The following NAALADL2 variants were observed in gnomAD, a reference collection of about 807,000 sequenced individuals.
NAALADL2 encodes N-acetylated alpha-linked acidic dipeptidase like 2, also known as inactive N-acetylated-alpha-linked acidic dipeptidase-like protein 2.
NAALADL2 carries 76 observed loss-of-function variants against 87.2 expected under a neutral mutation model. The observed-to-expected ratio is 0.87, with a 90% confidence interval of 0.72 to 1.05. The LOEUF (loss-of-function observed/expected upper bound fraction) is 1.05, where lower values mean the gene tolerates loss of function less well. Among genes scored for constraint, NAALADL2 ranks in the 50% least tolerant of loss-of-function variants. The probability of loss-of-function intolerance (pLI) is 0.00; values close to 1 mark genes in which losing one functional copy is unlikely to be tolerated. For synonymous variants in NAALADL2, 354 were observed against 331.0 expected (o/e 1.07, Z -0.75); for missense variants, 1,089 against 945.8 (o/e 1.15, Z -1.99).
At chr3:175,688,780 C>G (rs1736662678) in intron 11 of NAALADL2, among the ~76,000 whole-genome samples, 1 of 152,080 alleles carries the variant, frequency 6.6e-6, no homozygotes, top group Non-Finnish European at 1.5e-5. Context: ...TTCTTCACTC[C>G]TATAAGGTAC....
chr3:175,515,307 A>G (rs999309139), intron 9 of NAALADL2, among the ~76,000 whole-genome samples: 7 of 152,188 alleles, frequency 4.6e-5, no homozygotes, highest in African/African-American at 1.7e-4. Flanking sequence ...AGGCCTCAAC[A>G]AATAGTCTTG....
intron 4 of NAALADL2, among the ~76,000 whole-genome samples, chr3:175,272,670 T>C (rs1753014823): frequency 6.6e-6 from 1 of 152,156 alleles, no homozygotes. Flanking sequence ...CAAAATAGTT[T>C]AAATTATTAT....
chr3:175,425,748 T>G (rs931989629), intron 5 of NAALADL2, among the ~76,000 whole-genome samples: 13 of 152,278 alleles, frequency 8.5e-5, no homozygotes, highest in African/African-American at 3.1e-4. Context: ...CCTAGATAAT[T>G]TTATCCTACA....
intron 1 of NAALADL2, among the ~76,000 whole-genome samples, chr3:175,005,259 C>T (rs1277849168): frequency 1.3e-5 from 2 of 152,094 alleles, no homozygotes; most frequent in Admixed American, 6.6e-5. Flanking sequence ...ATAACTTATT[C>T]AAGGTCAAAT....
chr3:174,608,911 T>C (rs911137679), intron 2 of NAALADL2, among the ~76,000 whole-genome samples: 1 of 151,928 alleles, frequency 6.6e-6, no homozygotes, highest in Non-Finnish European at 1.5e-5. Flanking sequence ...GCAAAAATCC[T>C]CAATAAAATA....
intron 2 of NAALADL2, among the ~76,000 whole-genome samples, chr3:175,102,564 A>G (rs889128385): frequency 2.6e-5 from 4 of 152,158 alleles, no homozygotes; most frequent in African/African-American, 9.7e-5. Context: ...ATGGTACGCC[A>G]TCTCTTTGGA....
At position 175,465,682 on chromosome 3, in the gene NAALADL2, A is replaced by G. The variant is rs867776082; in HGVS notation, c.1328-1297A>G. ...GAGACGAGGTTTCACCATCTTGGCC[A>G]GGCTGGTCTTGAACTCCTGACCTCG... On this transcript the variant is annotated intron_variant, in intron 7 of 13. Transcript: ENST00000454872. 9.9e-5 allele frequency among the ~76,000 whole-genome samples: 15 copies of G among 152,166 alleles called. 1 individual carries two copies. The highest frequency in any genetic ancestry group is 6.8e-3 in the Middle Eastern group (2 of 294).
At chr3:174,462,243 C>A (rs1716261728) in intron 1 of NAALADL2, among the ~76,000 whole-genome samples, 1 of 151,934 alleles carries the variant, frequency 6.6e-6, no homozygotes, top group African/African-American at 2.4e-5. Context: ...GTTATTGGAA[C>A]GTTTGTCCTT....
intron 1 of NAALADL2, among the ~76,000 whole-genome samples, chr3:174,535,829 A>C (rs1721675438): frequency 6.6e-6 from 1 of 152,022 alleles, no homozygotes; most frequent in Admixed American, 6.6e-5. Context: ...ATTGGATTGC[A>C]TTTTCCCTCT....
chr3:175,561,651 C>T (rs1582407900), intron 9 of NAALADL2, among the ~76,000 whole-genome samples: 1 of 152,232 alleles, frequency 6.6e-6, no homozygotes, highest in Non-Finnish European at 1.5e-5. Flanking sequence ...CCATTATATC[C>T]ATGGCTTCCA....
chr3:175,277,253 C>A (rs2110057999), intron 4 of NAALADL2, among the ~76,000 whole-genome samples: 2 of 152,260 alleles, frequency 1.3e-5, no homozygotes, highest in Middle Eastern at 6.8e-3. Flanking sequence ...ATCTTTACTA[C>A]CCATATACGG....
At chr3:175,618,875 C>G (rs1237898965) in intron 10 of NAALADL2, among the ~76,000 whole-genome samples, 1 of 152,050 alleles carries the variant, frequency 6.6e-6, no homozygotes, top group Non-Finnish European at 1.5e-5. Context: ...TATACCTCAT[C>G]TATACCATGG....
At chr3:175,633,390 TACTC>T (rs1238871727) in intron 11 of NAALADL2, among the ~76,000 whole-genome samples, 6 of 152,098 alleles carry the variant, frequency 3.9e-5, no homozygotes, top group Non-Finnish European at 5.9e-5. Context: ...CCCTAATAAA[TACTC>T]AATTAATGAT....
chr3:175,256,933 C>A (rs923378419), intron 4 of NAALADL2: 1 of 152,670 alleles, frequency 6.6e-6, no homozygotes, highest in African/African-American at 2.4e-5. Context: ...TTATCATGTT[C>A]TCTATGTTAG....
chr3:175,636,464 C>T (rs1345772573), intron 11 of NAALADL2, among the ~76,000 whole-genome samples: 2 of 151,926 alleles, frequency 1.3e-5, no homozygotes, highest in Non-Finnish European at 2.9e-5. Context: ...TTTGGGAGGC[C>T]GAGCAGGGCA....
In NAALADL2 at chr3:175,152,229, T is replaced by C. The variant is rs143080811; in HGVS notation, c.545+54938T>C. Among the ~76,000 whole-genome samples the C allele has an allele frequency of 2.6e-3, 401 of 152,322 alleles. 1 individual carries two copies. The highest frequency in any genetic ancestry group is 9.3e-3 in the African/African-American group (387 of 41,576). The stretch of plus-strand genomic sequence containing the variant: ...AATATAATAAAGAGATCTAGTTTTC[T>C]GTAAGAAAAATAGCAACATTCCGTT... On this transcript the variant is annotated intron_variant, in intron 2 of 13. Coordinates refer to ENST00000454872, the MANE Select transcript of NAALADL2 (RefSeq NM_207015.3).
rs1733980741 is a variant in NAALADL2, at chr3:174,743,765, A to G, written c.-9+6019A>G. Among the ~76,000 whole-genome samples, 4 of 151,928 alleles carry G rather than the reference A, an allele frequency of 2.6e-5. No individual in the cohort carries two copies. In the South Asian group the frequency reaches 6.2e-4, roughly 24 times the overall value. On this transcript the variant is annotated intron_variant, in intron 3 of 3. Coordinates refer to the NAALADL2 transcript ENST00000434257. ...TTTTGACACCTTTTCTACAGCCAGT[A>G]ATAATAATAACCATCTTACAGGCAT...
At chr3:175,350,642 G>A (rs1482259404) in intron 5 of NAALADL2, among the ~76,000 whole-genome samples, 2 of 152,148 alleles carry the variant, frequency 1.3e-5, no homozygotes, top group Non-Finnish European at 2.9e-5. Flanking sequence ...AGTTATGGCT[G>A]ATAAATGGGA....
chr3:175,610,263 A>G (rs182600085), intron 10 of NAALADL2, among the ~76,000 whole-genome samples: 146 of 152,280 alleles, frequency 9.6e-4, no homozygotes, highest in African/African-American at 3.3e-3. Context: ...GCAAACAACA[A>G]TCTGATAGCT....
Sources: gnomAD v4.1 joint callset for allele counts (sites outside exome capture counted in the v4.1 genomes callset) on GRCh38, gnomAD v4.1.1 for gene constraint, MANE v1.5 for transcripts, NCBI Gene and HGNC (gene_info 2026-07-23, HGNC 2026-07-21) for gene names.